SPIDR: variants seen among roughly 807,000 people sequenced by gnomAD.
SPIDR encodes DNA repair-scaffolding protein.
In SPIDR, 93 loss-of-function variants were observed where a neutral mutation model predicts 104.6. The observed-to-expected ratio is 0.89, with a 90% CI of 0.75 to 1.06. The LOEUF (loss-of-function observed/expected upper bound fraction) is 1.06. Among genes scored for constraint, SPIDR ranks in the 50% least tolerant of loss-of-function variants. SPIDR has a pLI of 0.00. For missense variants in SPIDR, 1,154 were observed against 1,111.2 expected (o/e 1.04, Z -0.55); for synonymous variants, 431 against 416.9 (o/e 1.03, Z -0.41).
intron 10 of SPIDR, among the ~76,000 whole-genome samples, chr8:47,610,409 G>A (rs549886524): frequency 2.0e-5 from 3 of 152,312 alleles, no homozygotes; most frequent in South Asian, 2.1e-4. Flanking sequence ...ACAGTGCCAC[G>A]TGCCTCTGTG....
At chr8:47,626,481 C>A (rs989340912) in intron 10 of SPIDR, among the ~76,000 whole-genome samples, 14 of 152,124 alleles carry the variant, frequency 9.2e-5, no homozygotes, top group African/African-American at 3.1e-4. Context: ...ATTTTCACAA[C>A]CTACTCATCT....
At chr8:47,706,046 G>A (rs1480707405) in intron 14 of SPIDR, among the ~76,000 whole-genome samples, 2 of 152,106 alleles carry the variant, frequency 1.3e-5, no homozygotes, top group Admixed American at 6.6e-5. Flanking sequence ...CGGGGGGTCT[G>A]GTGCACCCCT....
intron 8 of SPIDR, among the ~76,000 whole-genome samples, chr8:47,497,586 A>T (rs2079639298): frequency 6.6e-6 from 1 of 152,152 alleles, no homozygotes; most frequent in Non-Finnish European, 1.5e-5. Flanking sequence ...GACTTCCATC[A>T]TTTTGAATTT....
intron 5 of SPIDR, among the ~76,000 whole-genome samples, chr8:47,393,855 TC>T: frequency 6.6e-6 from 1 of 150,706 alleles, no homozygotes; most frequent in African/African-American, 2.5e-5. Flanking sequence ...CTTCCTTCCT[TC>T]CTTCCGTCCT....
At chr8:47,554,135 G>A (rs1205805093) in intron 8 of SPIDR, among the ~76,000 whole-genome samples, 1 of 151,978 alleles carries the variant, frequency 6.6e-6, no homozygotes, top group Non-Finnish European at 1.5e-5. Context: ...GGGGCACCTG[G>A]CTATATGAGG....
At chr8:47,527,024 C>T (rs1287183595) in intron 8 of SPIDR, among the ~76,000 whole-genome samples, 1 of 152,098 alleles carries the variant, frequency 6.6e-6, no homozygotes, top group Non-Finnish European at 1.5e-5. Flanking sequence ...GACAAGCTTG[C>T]AAGTTACACT....
intron 10 of SPIDR, chr8:47,660,605 G>A: frequency 1.3e-6 from 1 of 770,524 alleles, no homozygotes; most frequent in Non-Finnish European, 1.6e-6. Flanking sequence ...GGGTGGCTAG[G>A]GGCAGGGACC....
In SPIDR at chr8:47,595,832, T is replaced by C. The variant is rs1378613140; in HGVS notation, c.1119T>C (p.Ser373=). ...FPPWQKLIIP[S]GSCPVILNTY... Reference sequence around the variant, plus strand: ...CCAGGCAAAAACTGATTATTCCAAGTGGAAGTTGCCCTGTTATTCTGAATA... The same window carrying C: ...CCAGGCAAAAACTGATTATTCCAAGCGGAAGTTGCCCTGTTATTCTGAATA... The change falls in exon 9 of 20, where the codon AGT becomes AGC. Residue 373 remains serine (S), a synonymous_variant. Coordinates refer to ENST00000297423, the MANE Select transcript of SPIDR (RefSeq NM_001080394.4). 2 of 1,613,962 alleles carry C rather than the reference T, an allele frequency of 1.2e-6. No individual in the cohort carries two copies. The highest frequency in any genetic ancestry group is 1.7e-6 in the Non-Finnish European group (2 of 1,180,018).
intron 5 of SPIDR, among the ~76,000 whole-genome samples, chr8:47,364,131 G>A (rs550017118): frequency 3.3e-5 from 5 of 152,264 alleles, no homozygotes; most frequent in Admixed American, 1.3e-4. Context: ...GAAATAAAAC[G>A]TTTGGTTCTT....
intron 10 of SPIDR, among the ~76,000 whole-genome samples, chr8:47,625,347 CACCACTCCTATTCAACATAGTG>C (rs1335249133): frequency 5.9e-5 from 9 of 152,202 alleles, no homozygotes; most frequent in African/African-American, 1.7e-4. Flanking sequence ...TGCCCTCTCT[CACCACTCCTATTCAACATAGTG>C]TTGGAAGTTC....
At chr8:47,359,269 G>GTT (rs1268410706) in intron 5 of SPIDR, among the ~76,000 whole-genome samples, 1 of 110,196 alleles carries the variant, frequency 9.1e-6, no homozygotes, top group African/African-American at 3.0e-5. Context: ...AAAAAAAAAA[G>GTT]TTTTTTTTTA....
chr8:47,519,602 G>A (rs1432425509), intron 8 of SPIDR, among the ~76,000 whole-genome samples: 1 of 152,134 alleles, frequency 6.6e-6, no homozygotes, highest in Non-Finnish European at 1.5e-5. Context: ...GGGCAATATG[G>A]CGAGACCCTG....
intron 10 of SPIDR, among the ~76,000 whole-genome samples, chr8:47,603,559 A>ACTT (rs2062566652): frequency 7.5e-6 from 1 of 133,554 alleles, no homozygotes; most frequent in African/African-American, 2.8e-5. Flanking sequence ...TACCCAGCTA[A>ACTT]TTTTTTTTTT....
intron 8 of SPIDR, among the ~76,000 whole-genome samples, chr8:47,503,838 A>C (rs1365059463): frequency 6.6e-6 from 1 of 152,184 alleles, no homozygotes; most frequent in East Asian, 1.9e-4. Flanking sequence ...TGGTGGTGAC[A>C]AAATCTCTCA....
At chr8:47,646,136 A>C (rs1250109299) in intron 10 of SPIDR, among the ~76,000 whole-genome samples, 1 of 152,256 alleles carries the variant, frequency 6.6e-6, no homozygotes, top group Admixed American at 6.5e-5. Context: ...AAAATGGGCA[A>C]AGGGTATGAA....
intron 8 of SPIDR, among the ~76,000 whole-genome samples, chr8:47,485,604 G>A (rs1303081222): frequency 6.6e-6 from 1 of 152,228 alleles, no homozygotes; most frequent in East Asian, 1.9e-4. Context: ...GCACCCCCCA[G>A]TAGGGGGAGA....
chr8:47,630,247 G>C (rs1429021627), intron 10 of SPIDR, among the ~76,000 whole-genome samples: 1 of 152,054 alleles, frequency 6.6e-6, no homozygotes, highest in Admixed American at 6.6e-5. Flanking sequence ...GGAATACTGG[G>C]GAAAATAGAA....
At chr8:47,560,595 T>C (rs757428106) in intron 8 of SPIDR, among the ~76,000 whole-genome samples, 22 of 152,224 alleles carry the variant, frequency 1.4e-4, no homozygotes, top group Non-Finnish European at 3.1e-4. Flanking sequence ...CTTTTACATG[T>C]TCCCACAGAA....
At chr8:47,609,433 T>C (rs1462024378) in intron 10 of SPIDR, among the ~76,000 whole-genome samples, 1 of 152,234 alleles carries the variant, frequency 6.6e-6, no homozygotes, top group Non-Finnish European at 1.5e-5. Flanking sequence ...GGTCCAACAT[T>C]GTGGGTTGGA....
Sources: gnomAD v4.1 joint callset for allele counts (sites outside exome capture counted in the v4.1 genomes callset) on GRCh38, gnomAD v4.1.1 for gene constraint, MANE v1.5 for transcripts, NCBI Gene and HGNC (gene_info 2026-07-23, HGNC 2026-07-21) for gene names.